PPP1R37: variants seen among roughly 807,000 people sequenced by gnomAD.
PPP1R37 encodes leucine rich repeat containing 68.
In PPP1R37, 21 loss-of-function variants were observed where a neutral mutation model predicts 61.0. That is an observed-to-expected ratio of 0.34 (90% CI 0.24 to 0.50). PPP1R37 has a LOEUF of 0.50. Among genes scored for constraint, PPP1R37 ranks in the 20% least tolerant of loss-of-function variants. PPP1R37 has a pLI of 0.98. For synonymous variants in PPP1R37, 443 were observed against 433.5 expected (o/e 1.02, Z -0.27); for missense variants, 910 against 952.7 (o/e 0.96, Z 0.59).
In PPP1R37 at chr19:45,145,647, C is replaced by G; in HGVS notation, c.1591C>G (p.Leu531Val). 1.3e-6 allele frequency: 2 copies of G among 1,535,750 alleles called. No individual in the cohort carries two copies. The highest frequency in any genetic ancestry group is 1.7e-6 in the Non-Finnish European group (2 of 1,146,680). Residue 531 changes from leucine to valine, a missense_variant, in exon 11 of 13, where the codon CTG becomes GTG. Coordinates refer to ENST00000221462, the MANE Select transcript of PPP1R37 (RefSeq NM_019121.2). ...GAGGGACGAGACCCCCTGTCCTGCC[C>G]TGGTGCCCCCCACGGACTCCCTGGG... ...GERDETPCPA[L>V]VPPTDSLGPG...
Position 45,121,054 on chromosome 19 carries a change from T to C in PPP1R37, c.203-17460T>C, listed in dbSNP as rs1968336552. Among the ~76,000 whole-genome samples the C allele has an allele frequency of 6.6e-6, 1 of 152,148 alleles. No homozygotes were observed. On this transcript the variant is annotated intron_variant, in intron 1 of 12. Transcript: ENST00000221462. The surrounding 1 kb of genome is among the most constrained non-coding windows in gnomAD (Gnocchi z 4.2). ...TCTATTTCTCAGGGCCATTAGGAAG[T>C]GGAAACGAGATCGAGTTTGTCAATC... is the stretch of plus-strand genomic sequence containing the variant.
rs769789688 is a variant in PPP1R37, at chr19:45,145,928, G to A, written c.1872G>A (p.Pro624=). ...DTGSSEPQPP[P]EPPRSGPPLP... is the part of the protein sequence containing the mutation. ...GGTCCTCTGAGCCTCAGCCACCACC[G>A]GAGCCGCCTCGGTCAGGGCCACCAC... Residue 624 remains proline, a synonymous_variant, in exon 11 of 13, where the codon CCG becomes CCA. Transcript: ENST00000221462. The A allele has an allele frequency of 5.9e-5, 91 of 1,531,632 alleles. No individual in the cohort carries two copies. In the Middle Eastern group the frequency reaches 6.8e-4, roughly 11 times the overall value. 94.9% of individuals were successfully genotyped at this position (1,531,632 alleles called of 1,614,324 possible).
At chr19:45,120,660 C>T (rs1022803509) in intron 1 of PPP1R37, among the ~76,000 whole-genome samples, 1 of 152,176 alleles carries the variant, frequency 6.6e-6, no homozygotes, top group African/African-American at 2.4e-5. Context: ...TGGAGTCTTG[C>T]TCTGTTGCCC....
chr19:45,132,076 A>G (rs779294312), intron 1 of PPP1R37, among the ~76,000 whole-genome samples: 3 of 152,162 alleles, frequency 2.0e-5, no homozygotes, highest in African/African-American at 4.8e-5. Context: ...TCACACACCC[A>G]AACACATGTG....
intron 2 of PPP1R37, 24 bp downstream of exon 2, chr19:45,138,635 C>T (rs935706366): frequency 6.1e-6 from 9 of 1,467,838 alleles, no homozygotes; most frequent in African/African-American, 2.8e-5. Flanking sequence ...AGGGTGGGTG[C>T]GTCCGGTGTG....
At chr19:45,107,726 C>T (rs1440096839) in intron 1 of PPP1R37, among the ~76,000 whole-genome samples, 1 of 152,216 alleles carries the variant, frequency 6.6e-6, no homozygotes, top group East Asian at 1.9e-4. Context: ...ATGTTTTCAG[C>T]GTGTAATGCC....
chr19:45,141,318 G>C lies in PPP1R37; in HGVS notation c.448-4G>C. 10 of 1,534,476 alleles carry C rather than the reference G, an allele frequency of 6.5e-6. No individual in the cohort carries two copies. Among genetic ancestry groups the C allele is most frequent in the Non-Finnish European group, 8.7e-6 (10 of 1,146,080 alleles). Reference sequence around the variant, plus strand: ...AGGCTGAGCCCCCGAATCTCTATGCGCAGGGTGCCTCGGCCCTCTTCGACA... The same window carrying C: ...AGGCTGAGCCCCCGAATCTCTATGCCCAGGGTGCCTCGGCCCTCTTCGACA... On this transcript the variant is annotated splice_region_variant and splice_polypyrimidine_tract_variant and intron_variant, in intron 4 of 12. Transcript: ENST00000221462.
intron 2 of PPP1R37, among the ~76,000 whole-genome samples, chr19:45,139,498 G>A (rs935014640): frequency 6.6e-6 from 1 of 152,286 alleles, no homozygotes; most frequent in East Asian, 1.9e-4. Context: ...CCGGCCTGGC[G>A]CCTAGTCAGT....
rs1465140386 is a variant in PPP1R37, at chr19:45,146,629, C to T, written c.*67C>T. On this transcript the variant is annotated 3_prime_UTR_variant, in exon 13 of 13. Coordinates refer to ENST00000221462, the MANE Select transcript of PPP1R37 (RefSeq NM_019121.2). ...GGCCAGAGCCATGAGAATCTGCTCACCTTCCCCCCAGCCTTCCTGAGGCCC... is the reference window on the plus strand; with the variant it reads ...GGCCAGAGCCATGAGAATCTGCTCATCTTCCCCCCAGCCTTCCTGAGGCCC... The T allele has an allele frequency of 3.2e-6, 2 of 621,052 alleles. No individual in the cohort carries two copies. Among genetic ancestry groups the T allele is most frequent in the Non-Finnish European group, 5.5e-6 (2 of 361,166 alleles). 38.5% of individuals were successfully genotyped at this position (621,052 alleles called of 1,614,324 possible). A position where few individuals can be genotyped will look rare whatever the true frequency, so the allele number is the denominator to read the frequency against.
Position 45,145,812 on chromosome 19 carries a change from T to TCCCCCCCCCCCCCCCCCCCCCCCCC in PPP1R37, c.1761_1762insCCCCCCCCCCCCCCCCCCCCCCCCC (p.Thr588ProfsTer32). The TCCCCCCCCCCCCCCCCCCCCCCCCC allele has an allele frequency of 1.6e-6, 2 of 1,227,586 alleles. No individual in the cohort carries two copies. Among genetic ancestry groups the TCCCCCCCCCCCCCCCCCCCCCCCCC allele is most frequent in the South Asian group, 1.5e-5 (1 of 64,836 alleles). The allele number at this position is 1,227,586 out of a possible 1,614,324, so 76.0% of individuals were successfully genotyped here. A position where few individuals can be genotyped will look rare whatever the true frequency, so the allele number is the denominator to read the frequency against. ...GCCCGAGAGGGCAGAGCCCCCTGCGTCCCCCACCCCTCCCTCTCCCCCACC... is the reference window on the plus strand; with the variant it reads ...GCCCGAGAGGGCAGAGCCCCCTGCGTCCCCCCCCCCCCCCCCCCCCCCCCCCCCCCACCCCTCCCTCTCCCCCACC... On this transcript the variant is annotated frameshift_variant, in exon 11 of 13. Coordinates refer to ENST00000221462, the MANE Select transcript of PPP1R37 (RefSeq NM_019121.2). LOFTEE classifies it high-confidence loss of function.
intron 1 of PPP1R37, among the ~76,000 whole-genome samples, chr19:45,102,364 C>T (rs889769017): frequency 2.6e-5 from 4 of 152,242 alleles, no homozygotes; most frequent in African/African-American, 4.8e-5. Flanking sequence ...AGCACGGGAG[C>T]CCCCTGGGTG....
rs952317569 is a variant in PPP1R37, at chr19:45,145,683, A to G, written c.1627A>G (p.Arg543Gly). 1 of 1,534,456 alleles carries G rather than the reference A, an allele frequency of 6.5e-7. No individual in the cohort carries two copies. Among genetic ancestry groups the G allele is most frequent in the East Asian group, 2.4e-5 (1 of 40,870 alleles). ...CACGGACTCCCTGGGCCCTGGGGACAGGAGTCCCCCAGGCAGCCCCTCCAC... is the reference window on the plus strand; with the variant it reads ...CACGGACTCCCTGGGCCCTGGGGACGGGAGTCCCCCAGGCAGCCCCTCCAC... ...PPTDSLGPGDRSPPGSPSTPT... is the reference protein window; with the variant it reads ...PPTDSLGPGDGSPPGSPSTPT... Residue 543 changes from arginine to glycine, a missense_variant, in exon 11 of 13, where the codon AGG becomes GGG. Coordinates refer to ENST00000221462, the MANE Select transcript of PPP1R37 (RefSeq NM_019121.2).
Position 45,140,526 on chromosome 19 carries a change from A to G in PPP1R37, c.367A>G (p.Thr123Ala). The G allele has an allele frequency of 6.5e-7, 1 of 1,535,912 alleles. No individual in the cohort carries two copies. The highest frequency in any genetic ancestry group is 8.7e-7 in the Non-Finnish European group (1 of 1,146,814). The change falls in exon 4 of 13, where the codon ACC becomes GCC. Residue 123 changes from threonine (T) to alanine (A), a missense_variant. Physicochemically the swap from Thr to Ala is moderately conservative, Grantham distance 58. This residue lies in a region of PPP1R37 where 280 missense variants were observed against 382.2 expected (regional missense o/e 0.73). Coordinates refer to ENST00000221462, the MANE Select transcript of PPP1R37 (RefSeq NM_019121.2). The part of the protein sequence containing the change: ...DLKGEKLDYK[T>A]CEALEEVFKR... ...CCCAGGTGAGAAGCTTGACTACAAG[A>G]CCTGTGAGGCCCTGGAAGAGGTCTT...
chr19:45,103,982 G>A (rs1254635829), intron 1 of PPP1R37, among the ~76,000 whole-genome samples: 1 of 152,080 alleles, frequency 6.6e-6, no homozygotes, highest in Non-Finnish European at 1.5e-5. Flanking sequence ...CTTTCCCACA[G>A]AACGCCCAGC....
At chr19:45,106,345 G>A (rs1336007872) in intron 1 of PPP1R37, among the ~76,000 whole-genome samples, 3 of 152,018 alleles carry the variant, frequency 2.0e-5, no homozygotes, top group East Asian at 1.9e-4. Flanking sequence ...AAGTTTAAGC[G>A]ATTCTCCTGC....
chr19:45,125,962 C>T (rs1163996837), intron 1 of PPP1R37, among the ~76,000 whole-genome samples: 1 of 152,208 alleles, frequency 6.6e-6, no homozygotes, highest in African/African-American at 2.4e-5. Context: ...TGCAAGTGCA[C>T]AGGCTTCAGG....
intron 1 of PPP1R37, among the ~76,000 whole-genome samples, chr19:45,110,059 G>A (rs961245564): frequency 1.4e-4 from 22 of 152,118 alleles, no homozygotes; most frequent in African/African-American, 5.3e-4. Context: ...CTAGAATAGT[G>A]CCTGGCATAG....
intron 4 of PPP1R37, 45 bp from the exon 5 acceptor site, chr19:45,141,277 G>T (rs887791029): frequency 3.0e-5 from 46 of 1,508,224 alleles, no homozygotes; most frequent in Non-Finnish European, 3.8e-5. Flanking sequence ...CTCTCCTCCA[G>T]GGCAGCCCAG....
chr19:45,113,467 T>A (rs945966757), intron 1 of PPP1R37, among the ~76,000 whole-genome samples: 4 of 152,164 alleles, frequency 2.6e-5, no homozygotes, highest in African/African-American at 4.8e-5. Context: ...GAGATCCAGC[T>A]CCTCACAGCT....
Sources: gnomAD v4.1 joint callset for allele counts (sites outside exome capture counted in the v4.1 genomes callset) on GRCh38, gnomAD v4.1.1 for gene constraint, gnomAD v4.1.1 regional missense constraint, Gnocchi (gnomAD v3.1) non-coding constraint, MANE v1.5 for transcripts, NCBI Gene and HGNC (gene_info 2026-07-23, HGNC 2026-07-21) for gene names.